MKRN1: variants seen among roughly 807,000 people sequenced by gnomAD.
MKRN1 encodes the protein makorin ring finger protein 1.
In MKRN1, 9 loss-of-function variants were observed where a neutral mutation model predicts 55.5. That is an observed-to-expected ratio of 0.16 (90% CI 0.10 to 0.28). The LOEUF (loss-of-function observed/expected upper bound fraction) is 0.28. MKRN1 is among the 10% of genes least tolerant of loss of function. MKRN1 has a pLI of 1.00. For missense variants in MKRN1, 488 were observed against 626.7 expected, an observed-to-expected ratio of 0.78 and a Z score of 2.36; for synonymous variants, 253 against 235.9, an observed-to-expected ratio of 1.07 and a Z score of -0.66.
chr7:140,468,002 C>CA (rs566154288), intron 2 of MKRN1, among the ~76,000 whole-genome samples: 7,316 of 88,640 alleles, frequency 0.083, 269 homozygotes, highest in Non-Finnish European at 0.092. Context: ...AATTCTGTCT[C>CA]AAAAAAAAAA....
intron 1 of MKRN1, among the ~76,000 whole-genome samples, chr7:140,474,056 A>AGAAAGAAG (rs1795038683): frequency 1.5e-5 from 2 of 133,426 alleles, no homozygotes; most frequent in South Asian, 4.7e-4. Flanking sequence ...AAAGAAAGAA[A>AGAAAGAAG]GAAAGAAAGA....
At chr7:140,478,987 C>CT (rs1795207294) in intron 1 of MKRN1, 173 bp downstream of exon 1, 1 of 797,686 alleles carries the variant, frequency 1.3e-6, no homozygotes, top group African/African-American at 1.8e-5. Context: ...GACGCAGTGA[C>CT]TGGGGGAACG....
chr7:140,473,484 G>T (rs1467306617), intron 1 of MKRN1, among the ~76,000 whole-genome samples: 1 of 152,130 alleles, frequency 6.6e-6, no homozygotes, highest in African/African-American at 2.4e-5. Context: ...GTATCTCTAG[G>T]CATCTTAACA....
chr7:140,454,910 T>G (rs573615105), intron 7 of MKRN1, among the ~76,000 whole-genome samples, 181 bp from the exon 8 acceptor site: 2 of 152,314 alleles, frequency 1.3e-5, no homozygotes, highest in African/African-American at 2.4e-5. Flanking sequence ...GGCTAGAGCT[T>G]TAACACACAT....
intron 5 of MKRN1, 96 bp downstream of exon 5, chr7:140,456,556 C>CA (rs957765696): frequency 1.3e-6 from 2 of 1,512,098 alleles, no homozygotes; most frequent in Non-Finnish European, 1.8e-6. Context: ...AAAATGCATG[C>CA]ATTTAAATGC....
intron 2 of MKRN1, among the ~76,000 whole-genome samples, chr7:140,463,739 G>GC (rs2130290798): frequency 6.6e-6 from 1 of 152,132 alleles, no homozygotes; most frequent in South Asian, 2.1e-4. Context: ...CAAAAAATTA[G>GC]CCGGGCGTGG....
chr7:140,456,994 C>T (rs572306848), intron 4 of MKRN1, 128 bp from the exon 5 acceptor site: 16 of 944,818 alleles, frequency 1.7e-5, no homozygotes, highest in Middle Eastern at 2.3e-4. Flanking sequence ...CAAGCTGACA[C>T]GAAAATTAGC....
Position 140,460,061 on chromosome 7 carries a change from C to T in MKRN1, c.315-125G>A, listed in dbSNP as rs184483440. On this transcript the variant is annotated intron_variant, in intron 2 of 7. Transcript: ENST00000255977. ...GTTGGGAGTTCGAGACCAGCCTGGC[C>T]AATGTGGTGAAAACCCGTCACTACC... The T allele has an allele frequency of 1.5e-3, 1,248 of 821,972 alleles. 9 individuals are homozygous for T. The African/African-American group carries it at 0.02, about 13-fold the overall frequency. The allele number at this position is 821,972 out of a possible 1,614,324, so 50.9% of individuals were successfully genotyped here.
chr7:140,454,984 C>CT, intron 7 of MKRN1, 111 bp downstream of exon 7: 6 of 1,437,676 alleles, frequency 4.2e-6, no homozygotes, highest in Non-Finnish European at 5.7e-6. Context: ...ATACTCTACA[C>CT]TTTCGCTCCC....
rs1795144173 is a variant in MKRN1, at chr7:140,477,078, A to T, written c.185+2082T>A. 2.0e-5 allele frequency among the ~76,000 whole-genome samples: 3 copies of T among 149,426 alleles called. No individual in the cohort carries two copies. The South Asian group carries it at 6.4e-4, about 32-fold the overall frequency. On this transcript the variant is annotated intron_variant, in intron 1 of 7. Transcript: ENST00000255977. ...ACACCATTGCACTCCAACCTGGGAA[A>T]CAAGAGGGAAACTCTGTCTCAAAAA...
At chr7:140,458,096 A>G (rs916075252) in intron 4 of MKRN1, among the ~76,000 whole-genome samples, 1 of 152,224 alleles carries the variant, frequency 6.6e-6, no homozygotes, top group Non-Finnish European at 1.5e-5. Context: ...TCCTGCAGCC[A>G]CTGTGGAAAA....
At chr7:140,455,679 T>G in intron 6 of MKRN1, 111 bp downstream of exon 6, 1 of 833,016 alleles carries the variant, frequency 1.2e-6, no homozygotes, top group South Asian at 1.6e-5. Context: ...TCCTGGGAAG[T>G]CAAAGAAGGG....
intron 1 of MKRN1, chr7:140,478,054 ATG>A (rs1249349673): frequency 6.6e-6 from 1 of 152,250 alleles, no homozygotes; most frequent in Admixed American, 6.5e-5. Context: ...GCCAGGATAA[ATG>A]TATCACATCA....
intron 1 of MKRN1, chr7:140,473,169 C>T (rs1182997484): frequency 2.6e-6 from 1 of 388,104 alleles, no homozygotes; most frequent in African/African-American, 2.3e-5. Context: ...AAACAAAAAC[C>T]AATGAATATA....
intron 2 of MKRN1, among the ~76,000 whole-genome samples, chr7:140,466,694 C>A (rs1432209509): frequency 1.3e-5 from 2 of 151,514 alleles, no homozygotes; most frequent in African/African-American, 4.9e-5. Context: ...GTCCCAGCTA[C>A]TCGGGAGGCT....
chr7:140,469,786 C>T (rs970488025), intron 2 of MKRN1, among the ~76,000 whole-genome samples: 3 of 151,754 alleles, frequency 2.0e-5, no homozygotes, highest in Admixed American at 6.6e-5. Context: ...GGGCCGGGCG[C>T]GGTGGCTCAT....
At chr7:140,461,728 A>T (rs961639034) in intron 2 of MKRN1, among the ~76,000 whole-genome samples, 18 of 152,176 alleles carry the variant, frequency 1.2e-4, no homozygotes, top group Admixed American at 1.1e-3. Context: ...TCAGGCCTGT[A>T]ATCCCAGCAC....
At chr7:140,460,139 C>T (rs1208336189) in intron 2 of MKRN1, 8 of 547,082 alleles carry the variant, frequency 1.5e-5, no homozygotes, top group Admixed American at 1.1e-4. Flanking sequence ...CCCAACTACT[C>T]GGGAGGCTGA....
At chr7:140,474,728 T>A (rs991961982) in intron 1 of MKRN1, among the ~76,000 whole-genome samples, 22 of 151,770 alleles carry the variant, frequency 1.4e-4, no homozygotes, top group Admixed American at 2.6e-4. Context: ...TTTCTTTTTT[T>A]TTTTTTTTGA....
Sources: allele counts gnomAD v4.1 joint callset (sites outside exome capture counted in the v4.1 genomes callset), GRCh38; gene constraint gnomAD v4.1.1; transcripts MANE v1.5; gene names NCBI Gene and HGNC (gene_info 2026-07-23, HGNC 2026-07-21).